TENM3: variants seen among roughly 807,000 people sequenced by gnomAD.
The protein encoded by TENM3 is teneurin transmembrane protein 3.
TENM3 carries 63 observed loss-of-function variants against 255.1 expected under a neutral mutation model. The ratio of observed to expected loss-of-function variants is 0.25; its 90% CI spans 0.20 to 0.30. The LOEUF (loss-of-function observed/expected upper bound fraction) is 0.30, where lower values mean the gene tolerates loss of function less well. Ranked by LOEUF, TENM3 falls within the 10% of genes least tolerant of loss-of-function variation. The pLI, the probability that TENM3 is intolerant of heterozygous loss-of-function variation, is 1.00. For missense variants in TENM3, 2,929 were observed against 3,461.1 expected, an observed-to-expected ratio of 0.85 and a Z score of 3.86; for synonymous variants, 1,306 against 1,322.3, an observed-to-expected ratio of 0.99 and a Z score of 0.27.
chr4:181,755,153 C>T, the TENM3 span, among the ~76,000 whole-genome samples: 13 of 152,242 alleles, frequency 8.5e-5, no homozygotes, highest in Non-Finnish European at 1.6e-4. Context: ...AGACACTAGC[C>T]TGTGTTTATT....
intron 1 of TENM3, among the ~76,000 whole-genome samples, chr4:182,287,149 G>A (rs148132311): frequency 8.5e-4 from 130 of 152,286 alleles, no homozygotes; most frequent in Middle Eastern, 6.8e-3. Flanking sequence ...GATCACTTGG[G>A]TTCAGGAGTT....
chr4:181,554,046 T>C, the TENM3 span, among the ~76,000 whole-genome samples: 1 of 152,116 alleles, frequency 6.6e-6, no homozygotes. Context: ...GCTCTAACTG[T>C]ATAGAAACCT....
At chr4:181,620,367 C>T in the TENM3 span, among the ~76,000 whole-genome samples, 9 of 152,176 alleles carry the variant, frequency 5.9e-5, no homozygotes, top group Non-Finnish European at 8.8e-5. Flanking sequence ...CAAATTCGCA[C>T]ACACTCCAGT....
intron 3 of TENM3, among the ~76,000 whole-genome samples, chr4:182,362,072 C>T (rs1766037279): frequency 6.6e-6 from 1 of 152,146 alleles, no homozygotes; most frequent in Non-Finnish European, 1.5e-5. Flanking sequence ...GATAGTTCCT[C>T]TGGAAGTTTT....
the TENM3 span, among the ~76,000 whole-genome samples, chr4:181,802,471 A>T: frequency 3.3e-5 from 5 of 152,208 alleles, no homozygotes; most frequent in African/African-American, 9.7e-5. Context: ...GGATTCTGAG[A>T]AGAGAAAAAA....
intron 22 of TENM3, among the ~76,000 whole-genome samples, chr4:182,770,478 G>A (rs1764111312): frequency 6.6e-6 from 1 of 152,080 alleles, no homozygotes; most frequent in South Asian, 2.1e-4. Flanking sequence ...GCCCCACCCG[G>A]GCCCCTGCCT....
the TENM3 span, among the ~76,000 whole-genome samples, chr4:181,931,141 A>G: frequency 2.6e-5 from 4 of 152,224 alleles, no homozygotes; most frequent in East Asian, 7.7e-4. Context: ...CTCCTATTCA[A>G]CATAGTATTG....
At chr4:181,506,774 C>T in the TENM3 span, among the ~76,000 whole-genome samples, 1 of 151,624 alleles carries the variant, frequency 6.6e-6, no homozygotes, top group Non-Finnish European at 1.5e-5. Context: ...AGAGGGATAG[C>T]CTTTACATCA....
intron 1 of TENM3, among the ~76,000 whole-genome samples, chr4:182,233,813 A>G (rs1360798216): frequency 1.3e-5 from 2 of 152,222 alleles, no homozygotes; most frequent in South Asian, 2.1e-4. Context: ...GTTCTCTTTC[A>G]CTTCAGAGGA....
intron 3 of TENM3, among the ~76,000 whole-genome samples, chr4:182,482,730 T>G (rs1162431804): frequency 6.6e-6 from 1 of 152,212 alleles, no homozygotes; most frequent in Non-Finnish European, 1.5e-5. Context: ...TGCATTCATG[T>G]CAGTTCTTTT....
chr4:182,418,961 G>T (rs551320677), intron 3 of TENM3, among the ~76,000 whole-genome samples: 1 of 152,236 alleles, frequency 6.6e-6, no homozygotes, highest in South Asian at 2.1e-4. Context: ...CCGTCCTTAG[G>T]GTTATGAGTG....
the TENM3 span, among the ~76,000 whole-genome samples, chr4:181,703,522 A>G: frequency 1.3e-5 from 2 of 152,176 alleles, no homozygotes; most frequent in African/African-American, 4.8e-5. Context: ...TTGATGCGTT[A>G]AAACCTTCTC....
At chr4:182,566,633 T>C (rs1047359943) in intron 3 of TENM3, among the ~76,000 whole-genome samples, 3 of 152,226 alleles carry the variant, frequency 2.0e-5, no homozygotes, top group African/African-American at 7.2e-5. Flanking sequence ...ACAGCAGCTA[T>C]CCATGAGCTC....
the TENM3 span, among the ~76,000 whole-genome samples, chr4:181,683,460 CAA>C: frequency 6.6e-6 from 1 of 152,124 alleles, no homozygotes. Context: ...TTTATTGAAA[CAA>C]AGATTGCGGG....
the TENM3 span, among the ~76,000 whole-genome samples, chr4:182,126,343 TA>T: frequency 5.3e-3 from 814 of 152,312 alleles, 7 homozygotes; most frequent in African/African-American, 0.019. Context: ...CACCTAGGGC[TA>T]AACCCATTTC....
At chr4:182,397,011 A>T (rs1039825595) in intron 3 of TENM3, among the ~76,000 whole-genome samples, 4 of 151,956 alleles carry the variant, frequency 2.6e-5, no homozygotes, top group African/African-American at 9.7e-5. Context: ...TCTCCCACTC[A>T]ATATACCAAT....
chr4:181,489,365 C>T, the TENM3 span, among the ~76,000 whole-genome samples: 2 of 152,144 alleles, frequency 1.3e-5, no homozygotes, highest in African/African-American at 4.8e-5. Context: ...TTTAAAAGTA[C>T]GATTGTATGT....
chr4:181,780,359 G>A, the TENM3 span, among the ~76,000 whole-genome samples: 1 of 152,128 alleles, frequency 6.6e-6, no homozygotes, highest in East Asian at 1.9e-4. Flanking sequence ...TCTCATTGTG[G>A]TTTTGATTTG....
the TENM3 span, among the ~76,000 whole-genome samples, chr4:181,926,719 G>T: frequency 6.6e-6 from 1 of 151,810 alleles, no homozygotes. Context: ...TGGTGTGGCT[G>T]GCAAAATGGC....
Sources: allele counts gnomAD v4.1 joint callset (sites outside exome capture counted in the v4.1 genomes callset), GRCh38; gene constraint gnomAD v4.1.1; transcripts MANE v1.5; gene names NCBI Gene and HGNC (gene_info 2026-07-23, HGNC 2026-07-21).